The following NAV2 variants were observed in gnomAD, a reference collection of about 807,000 sequenced individuals.
The protein encoded by NAV2 is neuron navigator 2, also known as helicase, APC down-regulated 1.
In NAV2, 54 loss-of-function variants were observed where a neutral mutation model predicts 223.2. That is an observed-to-expected ratio of 0.24 (90% CI 0.19 to 0.30). The LOEUF (loss-of-function observed/expected upper bound fraction) is 0.30. Among genes scored for constraint, NAV2 ranks in the 10% least tolerant of loss-of-function variants. The probability of loss-of-function intolerance (pLI) is 1.00; values close to 1 mark genes in which losing one functional copy is unlikely to be tolerated. For missense variants in NAV2, 2,806 were observed against 3,147.5 expected (o/e 0.89, Z 2.60); for synonymous variants, 1,279 against 1,239.3 (o/e 1.03, Z -0.67).
intron 1 of NAV2, among the ~76,000 whole-genome samples, chr11:19,413,266 T>C (rs1031703398): frequency 6.6e-6 from 1 of 152,060 alleles, no homozygotes; most frequent in Non-Finnish European, 1.5e-5. Flanking sequence ...GTACGAGAAC[T>C]TCGTGAAGCA....
intron 30 of NAV2, among the ~76,000 whole-genome samples, chr11:20,097,221 A>T (rs1210746323): frequency 6.6e-6 from 1 of 152,182 alleles, no homozygotes; most frequent in East Asian, 1.9e-4. Context: ...CTTTTTCGTG[A>T]ATTTTCCAGC....
At chr11:19,891,686 C>G (rs2041508903) in intron 5 of NAV2, among the ~76,000 whole-genome samples, 1 of 152,178 alleles carries the variant, frequency 6.6e-6, no homozygotes. Flanking sequence ...TGTTTCCAAC[C>G]AACCTGAAGT....
At chr11:19,921,184 C>A (rs1156674615) in intron 6 of NAV2, among the ~76,000 whole-genome samples, 1 of 152,178 alleles carries the variant, frequency 6.6e-6, no homozygotes, top group Admixed American at 6.5e-5. Flanking sequence ...CTATCTGATA[C>A]TAAGTGTCTG....
At chr11:19,727,289 C>T (rs554817087) in intron 1 of NAV2, among the ~76,000 whole-genome samples, 17 of 152,256 alleles carry the variant, frequency 1.1e-4, no homozygotes, top group African/African-American at 3.9e-4. Flanking sequence ...CCATCCAGCC[C>T]GTCTCACAAA....
In NAV2 at chr11:19,925,897, G is replaced by T. The variant is rs1036406257; in HGVS notation, c.932-7279G>T. Among the ~76,000 whole-genome samples, 4 of 152,100 alleles carry T rather than the reference G, an allele frequency of 2.6e-5. No homozygotes were observed. The South Asian group carries it at 8.3e-4, about 32-fold the overall frequency. ...AAATTGTTTGACCATATGTGCAAAG[G>T]TTTATTTCTGAGCTATCTAGTCTAG... is the stretch of plus-strand genomic sequence containing the variant. On this transcript the variant is annotated intron_variant, in intron 6 of 37. Coordinates refer to ENST00000349880, the MANE Select transcript of NAV2 (RefSeq NM_145117.5).
intron 1 of NAV2, among the ~76,000 whole-genome samples, chr11:19,738,572 A>G (rs2052532414): frequency 6.6e-6 from 1 of 152,200 alleles, no homozygotes; most frequent in African/African-American, 2.4e-5. Flanking sequence ...CCCCGCCCCC[A>G]GTATCCTGAC....
At chr11:19,439,473 A>C (rs887942627) in intron 1 of NAV2, among the ~76,000 whole-genome samples, 2 of 152,176 alleles carry the variant, frequency 1.3e-5, no homozygotes, top group African/African-American at 4.8e-5. Context: ...AGGATATAGG[A>C]AGAGTCATTC....
chr11:19,515,952 G>A (rs2043432535), intron 1 of NAV2, among the ~76,000 whole-genome samples: 1 of 151,432 alleles, frequency 6.6e-6, no homozygotes, highest in Admixed American at 6.5e-5. Context: ...GACTGAGATG[G>A]GAAAGGCTGC....
At chr11:19,400,127 G>A (rs1245042027) in intron 1 of NAV2, among the ~76,000 whole-genome samples, 1 of 152,200 alleles carries the variant, frequency 6.6e-6, no homozygotes, top group East Asian at 1.9e-4. Context: ...GTAGGAAAGT[G>A]TGAATAAGGG....
chr11:19,512,714 A>G (rs545747689), intron 1 of NAV2, among the ~76,000 whole-genome samples: 1 of 152,304 alleles, frequency 6.6e-6, no homozygotes, highest in African/African-American at 2.4e-5. Context: ...TTTGAAAATA[A>G]CTTGGTCTCC....
chr11:19,819,308 G>T (rs1050060853), intron 1 of NAV2, among the ~76,000 whole-genome samples: 1 of 152,136 alleles, frequency 6.6e-6, no homozygotes, highest in Non-Finnish European at 1.5e-5. Flanking sequence ...ATGGCTTTAC[G>T]GGGACTGACA....
At chr11:19,714,314 T>C (rs1420208047) in intron 1 of NAV2, 1 of 521,552 alleles carries the variant, frequency 1.9e-6, no homozygotes, top group Non-Finnish European at 3.7e-6. Context: ...GAAGCCAGTA[T>C]CCGCAGCAGC....
intron 6 of NAV2, among the ~76,000 whole-genome samples, chr11:19,909,538 C>G (rs566443553): frequency 6.6e-6 from 1 of 152,294 alleles, no homozygotes; most frequent in Non-Finnish European, 1.5e-5. Context: ...ACTTTCCATA[C>G]CCTCAGTGAG....
intron 1 of NAV2, among the ~76,000 whole-genome samples, chr11:19,622,693 A>C (rs1160550484): frequency 6.6e-6 from 1 of 152,198 alleles, no homozygotes; most frequent in Non-Finnish European, 1.5e-5. Context: ...AATACAGCAC[A>C]CTGATGGGTC....
intron 1 of NAV2, chr11:19,511,534 C>T (rs909081671): frequency 6.6e-6 from 1 of 152,146 alleles, no homozygotes; most frequent in South Asian, 2.1e-4. Flanking sequence ...ATGCGAAAAA[C>T]CATCAAAATT....
At chr11:19,534,149 T>C (rs1318191459) in intron 1 of NAV2, among the ~76,000 whole-genome samples, 1 of 152,230 alleles carries the variant, frequency 6.6e-6, no homozygotes, top group Non-Finnish European at 1.5e-5. Context: ...TTGCTTATCA[T>C]TCCAGTTACT....
chr11:19,689,227 C>A (rs1158314847), intron 1 of NAV2, among the ~76,000 whole-genome samples: 1 of 152,210 alleles, frequency 6.6e-6, no homozygotes, highest in Non-Finnish European at 1.5e-5. Context: ...CAGCCAGTCC[C>A]TGGAGCAGCC....
chr11:19,444,134 G>A (rs1851501124), intron 1 of NAV2, among the ~76,000 whole-genome samples: 1 of 152,136 alleles, frequency 6.6e-6, no homozygotes, highest in South Asian at 2.1e-4. Flanking sequence ...GTAGAGACGA[G>A]GTTTCACCAT....
rs1230171121 is a variant in NAV2, at chr11:20,121,287, C to T, written c.*3029C>T. 2 of 152,488 alleles carry T rather than the reference C, an allele frequency of 1.3e-5. No individual in the cohort carries two copies. Among genetic ancestry groups the T allele is most frequent in the Non-Finnish European group, 2.9e-5 (2 of 68,012 alleles). The allele number at this position is 152,488 out of a possible 1,614,324, so 9.4% of individuals were successfully genotyped here. On this transcript the variant is annotated 3_prime_UTR_variant, in exon 38 of 38. Coordinates refer to ENST00000349880, the MANE Select transcript of NAV2 (RefSeq NM_145117.5). ...TATGAAATATGTTCTATAAGATGTACATTTTTTCATTGTAACATAGAAATT... is the reference window on the plus strand; with the variant it reads ...TATGAAATATGTTCTATAAGATGTATATTTTTTCATTGTAACATAGAAATT...
Sources: allele counts gnomAD v4.1 joint callset (sites outside exome capture counted in the v4.1 genomes callset), GRCh38; gene constraint gnomAD v4.1.1; transcripts MANE v1.5; gene names NCBI Gene and HGNC (gene_info 2026-07-23, HGNC 2026-07-21).